The following GABRB2 variants were observed in gnomAD, a reference collection of about 807,000 sequenced individuals.
The protein encoded by GABRB2 is gamma-aminobutyric acid receptor subunit beta-2.
Under a neutral mutation model 54.7 loss-of-function variants are expected in GABRB2, and 16 were observed. That is an observed-to-expected ratio of 0.29 (90% CI 0.20 to 0.44). The LOEUF is 0.44. Among genes scored for constraint, GABRB2 ranks in the 20% least tolerant of loss-of-function variants. The pLI is 1.00. For missense variants in GABRB2, 355 were observed against 644.0 expected, an observed-to-expected ratio of 0.55 and a Z score of 4.86; for synonymous variants, 244 against 233.8, an observed-to-expected ratio of 1.04 and a Z score of -0.40.
intron 3 of GABRB2, among the ~76,000 whole-genome samples, chr5:161,505,359 G>A (rs1759575172): frequency 2.0e-5 from 3 of 151,960 alleles, no homozygotes; most frequent in African/African-American, 7.3e-5. Context: ...TTGAACTCCT[G>A]AGCTCTGGTG....
At chr5:161,319,903 C>G (rs1026787039) in intron 9 of GABRB2, among the ~76,000 whole-genome samples, 1 of 149,070 alleles carries the variant, frequency 6.7e-6, no homozygotes, top group African/African-American at 2.5e-5. Flanking sequence ...AATTTTTTTT[C>G]TAATTCATAT....
At position 161,532,840 on chromosome 5, in the gene GABRB2, A is replaced by G. The variant is rs140543838; in HGVS notation, c.237+12387T>C. ...AGTCCTTCAACTACTCCTCCAACAA[A>G]TTCATTCCATATTTCTTGAGCTTCT... On this transcript the variant is annotated intron_variant, in intron 3 of 9. Transcript: ENST00000393959. 1.8e-4 allele frequency among the ~76,000 whole-genome samples: 28 copies of G among 152,218 alleles called. No individual in the cohort carries two copies. In the East Asian group the frequency reaches 5.2e-3, roughly 28 times the overall value.
chr5:161,408,466 T>C (rs1215497871), intron 5 of GABRB2, among the ~76,000 whole-genome samples: 3 of 152,094 alleles, frequency 2.0e-5, no homozygotes, highest in Non-Finnish European at 4.4e-5. Flanking sequence ...AAAAGATTAG[T>C]GTTCAATAAC....
At chr5:161,391,724 A>G (rs958048999) in intron 5 of GABRB2, among the ~76,000 whole-genome samples, 2 of 152,224 alleles carry the variant, frequency 1.3e-5, no homozygotes, top group South Asian at 4.1e-4. Context: ...TTCTCCAATT[A>G]AAACGATAAT....
chr5:161,431,546 G>A (rs562693409), intron 4 of GABRB2, among the ~76,000 whole-genome samples: 9 of 152,212 alleles, frequency 5.9e-5, no homozygotes, highest in Middle Eastern at 3.4e-3. Flanking sequence ...CCAAACAGTA[G>A]CCTCCATAAC....
At chr5:161,317,414 A>T (rs895660725) in intron 9 of GABRB2, among the ~76,000 whole-genome samples, 2 of 152,200 alleles carry the variant, frequency 1.3e-5, no homozygotes, top group Non-Finnish European at 2.9e-5. Context: ...ACTGGGGAAA[A>T]GGTTCTAAAA....
chr5:161,339,958 A>AT (rs1008941077), intron 5 of GABRB2, among the ~76,000 whole-genome samples: 377 of 151,320 alleles, frequency 2.5e-3, no homozygotes, highest in African/African-American at 8.4e-3. Flanking sequence ...AGAAATGTCC[A>AT]TTTTTTTTTA....
chr5:161,534,784 G>A (rs1186733818), intron 3 of GABRB2, among the ~76,000 whole-genome samples: 1 of 151,896 alleles, frequency 6.6e-6, no homozygotes, highest in Non-Finnish European at 1.5e-5. Flanking sequence ...GGAAAAACTG[G>A]AAAGAAAAGA....
At chr5:161,339,026 C>A (rs1193480118) in intron 5 of GABRB2, among the ~76,000 whole-genome samples, 1 of 152,050 alleles carries the variant, frequency 6.6e-6, no homozygotes, top group African/African-American at 2.4e-5. Flanking sequence ...GGCTCCATGT[C>A]AAATGTAATC....
At chr5:161,461,438 C>A (rs1011802723) in intron 3 of GABRB2, among the ~76,000 whole-genome samples, 1 of 152,106 alleles carries the variant, frequency 6.6e-6, no homozygotes, top group African/African-American at 2.4e-5. Context: ...TACATAACTT[C>A]TTTTAGTTTC....
intron 3 of GABRB2, among the ~76,000 whole-genome samples, chr5:161,472,192 A>G (rs1472593328): frequency 2.0e-5 from 3 of 151,798 alleles, no homozygotes; most frequent in East Asian, 1.9e-4. Context: ...CATTATTTCC[A>G]TTTTCCAAGT....
rs570979200 is a variant in GABRB2, at chr5:161,479,615, T to C, written c.238-19771A>G. 2.6e-3 allele frequency among the ~76,000 whole-genome samples: 369 copies of C among 144,668 alleles called. 3 individuals carry two copies. Among genetic ancestry groups the C allele is most frequent in the African/African-American group, 9.2e-3 (358 of 38,758 alleles). 94.9% of individuals were successfully genotyped at this position (144,668 alleles called of 152,430 possible). A position where few individuals can be genotyped will look rare whatever the true frequency, so the allele number is the denominator to read the frequency against. ...TTTTTTTTTTTTTTGAGGTGGAGTC[T>C]CACTCTGTCACCCAGGCTGGGGTGA... is the stretch of plus-strand genomic sequence containing the variant. On this transcript the variant is annotated intron_variant, in intron 3 of 9. Coordinates refer to ENST00000393959, the MANE Select transcript of GABRB2 (RefSeq NM_001371727.1).
At chr5:161,303,367 C>T (rs1237058778) in intron 9 of GABRB2, among the ~76,000 whole-genome samples, 1 of 152,070 alleles carries the variant, frequency 6.6e-6, no homozygotes. Flanking sequence ...GAGTAAGCCA[C>T]CTGAATGCCT....
At chr5:161,481,189 A>G (rs2962407) in intron 3 of GABRB2, among the ~76,000 whole-genome samples, 89,597 of 151,824 alleles carry the variant, frequency 0.59, 28,077 homozygotes, top group South Asian at 0.74. Context: ...CCCTGAAAAC[A>G]TTGATTAAAG....
At chr5:161,411,091 G>A (rs1280949541) in intron 4 of GABRB2, 34 bp from the exon 5 acceptor site, 2 of 1,507,994 alleles carry the variant, frequency 1.3e-6, no homozygotes, top group Admixed American at 1.7e-5. Context: ...AGTGTTGTTA[G>A]CAGGTCTAAG....
At chr5:161,306,212 T>C (rs529211970) in intron 9 of GABRB2, among the ~76,000 whole-genome samples, 7 of 152,350 alleles carry the variant, frequency 4.6e-5, no homozygotes, top group African/African-American at 1.7e-4. Context: ...AGGGAAATTA[T>C]AACCTGCCTC....
At chr5:161,498,154 C>T (rs1029129639) in intron 3 of GABRB2, among the ~76,000 whole-genome samples, 4 of 151,968 alleles carry the variant, frequency 2.6e-5, no homozygotes, top group East Asian at 1.9e-4. Flanking sequence ...ATGTTTCAGA[C>T]CTATGTGAAA....
intron 5 of GABRB2, among the ~76,000 whole-genome samples, chr5:161,346,928 G>A (rs997913561): frequency 2.0e-5 from 3 of 152,058 alleles, no homozygotes; most frequent in African/African-American, 7.2e-5. Flanking sequence ...CAGCTATTTA[G>A]TACATATTTA....
At chr5:161,330,605 T>C (rs1753809223) in intron 8 of GABRB2, 1 of 287,220 alleles carries the variant, frequency 3.5e-6, no homozygotes, top group African/African-American at 2.1e-5. Flanking sequence ...AATGCATAAA[T>C]AATTATAGGT....
Sources: allele counts gnomAD v4.1 joint callset (sites outside exome capture counted in the v4.1 genomes callset), GRCh38; gene constraint gnomAD v4.1.1; transcripts MANE v1.5; gene names NCBI Gene and HGNC (gene_info 2026-07-23, HGNC 2026-07-21).